Variants in ACSS3 observed in about 807,000 individuals in gnomAD.
ACSS3 encodes the protein acyl-CoA synthetase short-chain family member 3, mitochondrial.
In ACSS3, 64 loss-of-function variants were observed where a neutral mutation model predicts 84.2. The observed-to-expected ratio is 0.76, with a 90% CI of 0.62 to 0.94. The LOEUF (loss-of-function observed/expected upper bound fraction) is 0.94, where lower values mean the gene tolerates loss of function less well. Ranked by LOEUF, ACSS3 falls within the 40% of genes least tolerant of loss-of-function variation. The pLI, the probability that ACSS3 is intolerant of heterozygous loss-of-function variation, is 0.00. For missense variants in ACSS3, 815 were observed against 867.6 expected (o/e 0.94, Z 0.76); for synonymous variants, 317 against 310.1 (o/e 1.02, Z -0.23).
chr12:81,113,250 T>C lies in ACSS3; in HGVS notation c.456+3546T>C, dbSNP rs142846567. Among the ~76,000 whole-genome samples, 159 of 152,162 alleles carry C rather than the reference T, an allele frequency of 1.0e-3. 4 individuals are homozygous for C. In the East Asian group the frequency reaches 0.028, roughly 27 times the overall value. ...GGCAGCCAACTCAGCCAGAGGTAAA[T>C]AGAGTCTAGGGAGATTTCTGGAAGA... On this transcript the variant is annotated intron_variant, in intron 2 of 15. Transcript: ENST00000548058.
At position 81,078,220 on chromosome 12, in the gene ACSS3, C is replaced by T. The variant is rs1287024355; in HGVS notation, c.100C>T (p.Leu34Phe). The stretch of plus-strand genomic sequence containing the variant: ...TCCGGCCCGGGGAGCCGGTGCGGCC[C>T]TCAGGGCTTTAGTGGTCCCGGGCCC... ...SSPARGAGAA[L>F]RALVVPGPRG... Residue 34 changes from leucine to phenylalanine, a missense_variant, in exon 1 of 16, where the codon CTC becomes TTC. Transcript: ENST00000548058. 6.3e-7 allele frequency: 1 copy of T among 1,592,196 alleles called. No homozygotes were observed. The highest frequency in any genetic ancestry group is 1.1e-5 in the South Asian group (1 of 89,400).
chr12:81,176,257 A>C (rs577783419), intron 8 of ACSS3, among the ~76,000 whole-genome samples: 41 of 152,318 alleles, frequency 2.7e-4, no homozygotes, highest in Admixed American at 7.8e-4. Context: ...GAAATGGATA[A>C]ATTTCTGAAA....
At position 81,134,911 on chromosome 12, in the gene ACSS3, C is replaced by G; in HGVS notation, c.552C>G (p.Thr184=). 1 of 1,607,096 alleles carries G rather than the reference C, an allele frequency of 6.2e-7. No homozygotes were observed. The highest frequency in any genetic ancestry group is 8.5e-7 in the Non-Finnish European group (1 of 1,176,358). The change falls in exon 3 of 16, where the codon ACC becomes ACG. Residue 184 remains threonine (T), a synonymous_variant. Coordinates refer to ENST00000548058, the MANE Select transcript of ACSS3 (RefSeq NM_024560.4). The part of the protein sequence containing the change: ...YMPMIPQAMY[T]MLACARIGAI... ...CTATGATCCCACAGGCGATGTATAC[C>G]ATGTTGGCATGTGCAAGGATAGGTG... is the stretch of plus-strand genomic sequence containing the variant.
intron 5 of ACSS3, among the ~76,000 whole-genome samples, chr12:81,147,453 C>T (rs1382676687): frequency 2.6e-5 from 4 of 152,174 alleles, no homozygotes; most frequent in South Asian, 2.1e-4. Context: ...TCACTGTGCT[C>T]AAAGTGGTGG....
At chr12:81,221,880 C>A (rs1036649620) in intron 11 of ACSS3, among the ~76,000 whole-genome samples, 1 of 152,052 alleles carries the variant, frequency 6.6e-6, no homozygotes, top group Admixed American at 6.6e-5. Flanking sequence ...AACCTCCTAA[C>A]TTTGTGAGTC....
At chr12:81,232,416 C>T (rs959885322) in intron 12 of ACSS3, among the ~76,000 whole-genome samples, 2 of 151,626 alleles carry the variant, frequency 1.3e-5, no homozygotes, top group East Asian at 1.9e-4. Flanking sequence ...AGTAACTTCC[C>T]GTGAGTTCAA....
chr12:81,119,546 G>A (rs11614641), intron 2 of ACSS3, among the ~76,000 whole-genome samples: 53,361 of 151,924 alleles, frequency 0.35, 11,865 homozygotes, highest in Non-Finnish European at 0.5. Context: ...CAGAGCGGCT[G>A]TTTATAGACC....
chr12:81,078,561 C>T (rs1340469200), intron 1 of ACSS3, 130 bp downstream of exon 1: 11 of 988,784 alleles, frequency 1.1e-5, no homozygotes, highest in Admixed American at 5.5e-5. Context: ...GTTCAGACCC[C>T]TCAATTCGTG....
chr12:81,190,729 G>A (rs555219929), intron 8 of ACSS3, among the ~76,000 whole-genome samples: 8 of 151,838 alleles, frequency 5.3e-5, no homozygotes, highest in African/African-American at 9.7e-5. Context: ...TGATTTTAGC[G>A]TTTTTTGTTA....
At chr12:81,234,495 G>A (rs960735479) in intron 13 of ACSS3, among the ~76,000 whole-genome samples, 1 of 151,296 alleles carries the variant, frequency 6.6e-6, no homozygotes, top group Non-Finnish European at 1.5e-5. Context: ...GTGTGACTGT[G>A]CTATTTTACA....
At chr12:81,123,811 G>A (rs1297994762) in intron 2 of ACSS3, among the ~76,000 whole-genome samples, 2 of 151,976 alleles carry the variant, frequency 1.3e-5, no homozygotes, top group Non-Finnish European at 2.9e-5. Context: ...TCTTTTTTGT[G>A]GCTGCATAGT....
chr12:81,236,239 A>G lies in ACSS3; in HGVS notation c.1719+2768A>G, dbSNP rs141113798. Among the ~76,000 whole-genome samples, 304 of 151,624 alleles carry G rather than the reference A, an allele frequency of 2.0e-3. 2 individuals are homozygous for G. Among genetic ancestry groups the G allele is most frequent in the African/African-American group, 6.9e-3 (287 of 41,506 alleles). Reference sequence around the variant, plus strand: ...TAGGAATATGTGATTTTTCTTTTTAACAATGTTACGTGAATTACATTAAAT... The same window carrying G: ...TAGGAATATGTGATTTTTCTTTTTAGCAATGTTACGTGAATTACATTAAAT... On this transcript the variant is annotated intron_variant, in intron 13 of 15. Transcript: ENST00000548058.
intron 2 of ACSS3, among the ~76,000 whole-genome samples, chr12:81,129,311 A>G (rs1277770194): frequency 1.4e-5 from 2 of 146,124 alleles, no homozygotes; most frequent in Non-Finnish European, 3.0e-5. Context: ...AAGAGGTAAA[A>G]AATATATTTT....
At chr12:81,143,787 A>C (rs1886201281) in intron 5 of ACSS3, among the ~76,000 whole-genome samples, 1 of 152,174 alleles carries the variant, frequency 6.6e-6, no homozygotes, top group Non-Finnish European at 1.5e-5. Flanking sequence ...GATTTACAGC[A>C]TGGAAGACAC....
intron 1 of ACSS3, among the ~76,000 whole-genome samples, chr12:81,107,115 G>A (rs190591918): frequency 3.4e-4 from 52 of 152,142 alleles, no homozygotes; most frequent in African/African-American, 1.2e-3. Flanking sequence ...GAAGGTTAGG[G>A]CTGGAGATCA....
Position 81,256,622 on chromosome 12 carries a change from T to G in ACSS3, c.*1700T>G, listed in dbSNP as rs1469343381. 6.6e-6 allele frequency: 1 copy of G among 152,126 alleles called. No individual in the cohort carries two copies. Among genetic ancestry groups the G allele is most frequent in the Admixed American group, 6.6e-5 (1 of 15,260 alleles). The allele number at this position is 152,126 out of a possible 1,614,324, so 9.4% of individuals were successfully genotyped here. A position where few individuals can be genotyped will look rare whatever the true frequency, so the allele number is the denominator to read the frequency against. ...GTTGTAACATAATACTCAGGATACA[T>G]GAAATGTATGTGAGAGATAAATAGA... On this transcript the variant is annotated 3_prime_UTR_variant, in exon 16 of 16. Coordinates refer to ENST00000548058, the MANE Select transcript of ACSS3 (RefSeq NM_024560.4).
At chr12:81,167,843 G>A (rs1827746446) in intron 7 of ACSS3, among the ~76,000 whole-genome samples, 1 of 152,152 alleles carries the variant, frequency 6.6e-6, no homozygotes, top group Admixed American at 6.5e-5. Flanking sequence ...CTTTAGCCAT[G>A]GAGAAGTCTC....
At position 81,174,873 on chromosome 12, in the gene ACSS3, C is replaced by A; in HGVS notation, c.1184C>A (p.Thr395Asn). 6.2e-7 allele frequency: 1 copy of A among 1,613,974 alleles called. No homozygotes were observed. The highest frequency in any genetic ancestry group is 8.5e-7 in the Non-Finnish European group (1 of 1,179,910). ...HGVAALFTAP[T>N]AIRAIRQQDP... ...GTAGCTGCCTTGTTTACAGCACCAACTGCAATTAGAGCAATCCGTCAACAG... is the reference window on the plus strand; with the variant it reads ...GTAGCTGCCTTGTTTACAGCACCAAATGCAATTAGAGCAATCCGTCAACAG... Residue 395 changes from threonine to asparagine, a missense_variant, in exon 8 of 16, where the codon ACT becomes AAT. By Grantham distance (65) the Thr-to-Asn change is moderately conservative (BLOSUM62 0). Coordinates refer to ENST00000548058, the MANE Select transcript of ACSS3 (RefSeq NM_024560.4).
At chr12:81,175,197 A>G in intron 8 of ACSS3, among the ~76,000 whole-genome samples, 1 of 152,174 alleles carries the variant, frequency 6.6e-6, no homozygotes, top group Non-Finnish European at 1.5e-5. Flanking sequence ...CACTCTTGTT[A>G]TATTTTCCTT....
Sources: gnomAD v4.1 joint callset for allele counts (sites outside exome capture counted in the v4.1 genomes callset) on GRCh38, gnomAD v4.1.1 for gene constraint, MANE v1.5 for transcripts, NCBI Gene and HGNC (gene_info 2026-07-23, HGNC 2026-07-21) for gene names.